The following GRID2 variants were observed in gnomAD, a reference collection of about 807,000 sequenced individuals.
GRID2 encodes glutamate receptor ionotropic, delta-2.
In GRID2, 33 loss-of-function variants were observed where a neutral mutation model predicts 114.8. The observed-to-expected ratio is 0.29, with a 90% CI of 0.22 to 0.38. The LOEUF (loss-of-function observed/expected upper bound fraction) is 0.38. Among genes scored for constraint, GRID2 ranks in the 10% least tolerant of loss-of-function variants. The pLI, the probability that GRID2 is intolerant of heterozygous loss-of-function variation, is 1.00. For synonymous variants in GRID2, 505 were observed against 449.9 expected (o/e 1.12, Z -1.55); for missense variants, 1,184 against 1,257.7 (o/e 0.94, Z 0.89).
At chr4:93,315,046 G>T (rs577369193) in intron 8 of GRID2, among the ~76,000 whole-genome samples, 1 of 152,174 alleles carries the variant, frequency 6.6e-6, no homozygotes, top group South Asian at 2.1e-4. Context: ...GGAGGCCTCA[G>T]GAAACTTACA....
intron 14 of GRID2, among the ~76,000 whole-genome samples, chr4:93,767,940 A>G (rs539751158): frequency 6.6e-6 from 1 of 152,306 alleles, no homozygotes; most frequent in South Asian, 2.1e-4. Context: ...ATCTGGACAA[A>G]TATACCTTCA....
rs183658112 is a variant in GRID2 at position 93,557,717 on chromosome 4, T to A, written c.2193+42306T>A. Among the ~76,000 whole-genome samples the A allele has an allele frequency of 2.0e-5, 3 of 152,308 alleles. No homozygotes were observed. In the East Asian group the frequency reaches 5.8e-4, roughly 29 times the overall value. On this transcript the variant is annotated intron_variant, in intron 13 of 15. Coordinates refer to ENST00000282020, the MANE Select transcript of GRID2 (RefSeq NM_001510.4). ...TAACAAGGATATTTAGGACTTGAAG[T>A]CAGTTCTGGACCAAGCAGACCTAAT...
chr4:93,445,528 G>A (rs907762914), intron 10 of GRID2, among the ~76,000 whole-genome samples: 3 of 151,824 alleles, frequency 2.0e-5, no homozygotes, highest in African/African-American at 7.3e-5. Context: ...CCATTCTGTG[G>A]TATATAAAAG....
At chr4:93,370,024 T>C (rs1417470835) in intron 8 of GRID2, among the ~76,000 whole-genome samples, 1 of 152,128 alleles carries the variant, frequency 6.6e-6, no homozygotes, top group East Asian at 1.9e-4. Flanking sequence ...CCTTATTGAC[T>C]CTGTCTCTGA....
rs906840571 is a variant in GRID2, at chr4:93,662,133, A to AT, written c.2360+35708dup. Among the ~76,000 whole-genome samples, 13 of 149,880 alleles carry AT rather than the reference A, an allele frequency of 8.7e-5. 1 individual carries two copies. The highest frequency in any genetic ancestry group is 4.3e-4 in the South Asian group (2 of 4,698). ...TTACTTCTGCCTAAAAAGCTCTTGG[A>AT]TTTTTTTTTTCCAAATATCTAAATG... is the stretch of plus-strand genomic sequence containing the variant. On this transcript the variant is annotated intron_variant, in intron 14 of 15. Transcript: ENST00000282020.
chr4:93,025,798 T>G (rs1301538693), intron 2 of GRID2, among the ~76,000 whole-genome samples: 3 of 151,728 alleles, frequency 2.0e-5, no homozygotes, highest in Admixed American at 6.6e-5. Context: ...AAGCATTTAC[T>G]GAAATTTGAA....
chr4:93,746,773 C>A (rs568926174), intron 14 of GRID2, among the ~76,000 whole-genome samples: 12 of 152,084 alleles, frequency 7.9e-5, no homozygotes, highest in African/African-American at 2.9e-4. Flanking sequence ...CATAGTCAGG[C>A]TATTTAATTT....
chr4:92,593,765 C>G lies in GRID2; in HGVS notation c.244+3479C>G, dbSNP rs758239484. Among the ~76,000 whole-genome samples, 24 of 151,346 alleles carry G rather than the reference C, an allele frequency of 1.6e-4. 1 individual carries two copies. Among genetic ancestry groups the G allele is most frequent in the Non-Finnish European group, 2.5e-4 (17 of 67,674 alleles). On this transcript the variant is annotated intron_variant, in intron 2 of 15. Coordinates refer to ENST00000282020, the MANE Select transcript of GRID2 (RefSeq NM_001510.4). ...TCTTATGAATGTATTTGTTGATAAGCCATTTTTCATCTTTTGTGTACTGAG... is the reference window on the plus strand; with the variant it reads ...TCTTATGAATGTATTTGTTGATAAGGCATTTTTCATCTTTTGTGTACTGAG...
At chr4:93,288,159 A>C (rs1753375365) in intron 8 of GRID2, among the ~76,000 whole-genome samples, 1 of 152,158 alleles carries the variant, frequency 6.6e-6, no homozygotes, top group Admixed American at 6.5e-5. Flanking sequence ...ATGATGTTAA[A>C]TTGTTCTTCA....
At chr4:92,704,427 G>A (rs1317210012) in intron 2 of GRID2, among the ~76,000 whole-genome samples, 2 of 152,072 alleles carry the variant, frequency 1.3e-5, no homozygotes, top group African/African-American at 4.8e-5. Context: ...TTGTCATTTT[G>A]TTTTGTTAAA....
chr4:93,303,452 C>T (rs1755082057), intron 8 of GRID2, among the ~76,000 whole-genome samples: 2 of 152,106 alleles, frequency 1.3e-5, no homozygotes, highest in Non-Finnish European at 2.9e-5. Context: ...GGGTCCTTGT[C>T]ATTCTTGGGG....
intron 2 of GRID2, among the ~76,000 whole-genome samples, chr4:92,615,592 A>G (rs1729968972): frequency 6.6e-6 from 1 of 151,578 alleles, no homozygotes; most frequent in Admixed American, 6.6e-5. Flanking sequence ...CATTTACTAT[A>G]GGTGTTTAAA....
At chr4:93,488,608 A>C (rs145515277) in intron 11 of GRID2, among the ~76,000 whole-genome samples, 1 of 152,082 alleles carries the variant, frequency 6.6e-6, no homozygotes, top group Non-Finnish European at 1.5e-5. Context: ...TAGAAGGCCT[A>C]TTAATAGTTC....
At chr4:93,228,553 A>G (rs569912490) in intron 7 of GRID2, among the ~76,000 whole-genome samples, 1 of 152,298 alleles carries the variant, frequency 6.6e-6, no homozygotes, top group South Asian at 2.1e-4. Context: ...GCTGTTATCA[A>G]CAAAAGTACT....
At chr4:92,785,736 A>AT (rs1739290829) in intron 2 of GRID2, among the ~76,000 whole-genome samples, 1 of 151,734 alleles carries the variant, frequency 6.6e-6, no homozygotes, top group South Asian at 2.1e-4. Flanking sequence ...CTCTTAGTGA[A>AT]TTTTTTCTGG....
At chr4:92,886,142 C>T (rs1746352518) in intron 2 of GRID2, among the ~76,000 whole-genome samples, 1 of 152,008 alleles carries the variant, frequency 6.6e-6, no homozygotes, top group South Asian at 2.1e-4. Context: ...AGGCCTATTT[C>T]CTGAGGCAAA....
intron 2 of GRID2, among the ~76,000 whole-genome samples, chr4:93,058,240 T>A (rs1463123878): frequency 1.3e-5 from 2 of 152,006 alleles, no homozygotes; most frequent in African/African-American, 4.8e-5. Context: ...ACAGTGTGCA[T>A]TAATTTAAAG....
intron 3 of GRID2, among the ~76,000 whole-genome samples, chr4:93,098,077 C>T (rs1731381637): frequency 6.6e-6 from 1 of 151,948 alleles, no homozygotes; most frequent in Admixed American, 6.6e-5. Context: ...TAAGACCTGA[C>T]ATATTTACTG....
intron 1 of GRID2, among the ~76,000 whole-genome samples, chr4:92,503,689 A>G (rs965600075): frequency 6.6e-6 from 1 of 152,138 alleles, no homozygotes; most frequent in Non-Finnish European, 1.5e-5. Context: ...CTGAACATAC[A>G]TAACACTGTA....
Sources: allele counts gnomAD v4.1 joint callset (sites outside exome capture counted in the v4.1 genomes callset), GRCh38; gene constraint gnomAD v4.1.1; transcripts MANE v1.5; gene names NCBI Gene and HGNC (gene_info 2026-07-23, HGNC 2026-07-21).